The following PDE8B variants were observed in gnomAD, a reference collection of about 807,000 sequenced individuals.
PDE8B encodes the protein high affinity cAMP-specific and IBMX-insensitive 3',5'-cyclic phosphodiesterase 8B.
A neutral mutation model predicts 101.3 loss-of-function variants in PDE8B; 26 were observed. That is an observed-to-expected ratio of 0.26 (90% CI 0.19 to 0.36). PDE8B has a LOEUF of 0.36. Among genes scored for constraint, PDE8B ranks in the 10% least tolerant of loss-of-function variants. PDE8B has a pLI of 1.00. For missense variants in PDE8B, 810 were observed against 1,163.1 expected (o/e 0.70, Z 4.42); for synonymous variants, 424 against 429.3 (o/e 0.99, Z 0.15).
chr5:77,320,474 C>G (rs936158583), intron 2 of PDE8B, among the ~76,000 whole-genome samples: 3 of 152,170 alleles, frequency 2.0e-5, no homozygotes, highest in Admixed American at 2.0e-4. Context: ...GACAAAACTA[C>G]TTCCTTCTGC....
In PDE8B at chr5:77,426,608, TAGC is replaced by T; in HGVS notation, c.*55_*57del. 1 of 921,174 alleles carries T rather than the reference TAGC, an allele frequency of 1.1e-6. No homozygotes were observed. Among genetic ancestry groups the T allele is most frequent in the Non-Finnish European group, 1.8e-6 (1 of 554,294 alleles). 57.1% of individuals were successfully genotyped at this position (921,174 alleles called of 1,614,324 possible). The stretch of plus-strand genomic sequence containing the variant: ...CGACAAAGGACACTGTGAATCACAG[TAGC>T]GTAAACGAGAGGCCTTCCTTTCTAA... On this transcript the variant is annotated 3_prime_UTR_variant, in exon 22 of 22. Coordinates refer to ENST00000264917, the MANE Select transcript of PDE8B (RefSeq NM_003719.5).
chr5:77,392,653 A>G (rs1335651073), intron 10 of PDE8B, among the ~76,000 whole-genome samples: 1 of 152,180 alleles, frequency 6.6e-6, no homozygotes, highest in Non-Finnish European at 1.5e-5. Context: ...TCCAAGATGG[A>G]GTTGCTTTGG....
chr5:77,343,339 A>G (rs58594618), intron 6 of PDE8B, among the ~76,000 whole-genome samples: 19,346 of 152,238 alleles, frequency 0.13, 1,409 homozygotes, highest in East Asian at 0.3. Flanking sequence ...ACACAAGCCT[A>G]CGTGGTATAG....
the PDE8B span, among the ~76,000 whole-genome samples, chr5:77,170,309 G>A: frequency 8.5e-4 from 130 of 152,114 alleles, 1 homozygote; most frequent in Non-Finnish European, 1.0e-4. Context: ...TTAAGTCTGG[G>A]AAGACAAAAG....
At chr5:77,272,150 C>T (rs192270846) in intron 1 of PDE8B, among the ~76,000 whole-genome samples, 191 of 152,122 alleles carry the variant, frequency 1.3e-3, no homozygotes, top group African/African-American at 4.2e-3. Flanking sequence ...TGGAGCATGC[C>T]GAGGGCAGAG....
intron 6 of PDE8B, among the ~76,000 whole-genome samples, chr5:77,341,269 G>C (rs1779169074): frequency 1.3e-5 from 2 of 152,276 alleles, no homozygotes; most frequent in East Asian, 3.9e-4. Context: ...GTGGGGGGCA[G>C]GGGTGGGAAA....
chr5:77,402,735 A>G (rs1057047833), intron 11 of PDE8B, among the ~76,000 whole-genome samples: 1 of 152,236 alleles, frequency 6.6e-6, no homozygotes, highest in Non-Finnish European at 1.5e-5. Flanking sequence ...CAGCCTATAA[A>G]TGAGATGCTA....
chr5:77,418,104 C>A, intron 17 of PDE8B, 125 bp from the exon 18 acceptor site: 1 of 722,036 alleles, frequency 1.4e-6, no homozygotes, highest in Admixed American at 2.0e-5. Context: ...GGTCAGAAGG[C>A]TCAGCTGGCT....
At chr5:77,120,575 G>A in the PDE8B span, among the ~76,000 whole-genome samples, 236 of 152,278 alleles carry the variant, frequency 1.5e-3, no homozygotes, top group Middle Eastern at 0.02. Flanking sequence ...ATGGATATAC[G>A]TATGATAAAA....
the PDE8B span, among the ~76,000 whole-genome samples, chr5:77,177,259 C>A: frequency 1.3e-5 from 2 of 152,102 alleles, no homozygotes; most frequent in Admixed American, 1.3e-4. Context: ...AATACAGTAT[C>A]CCCCCCTTAT....
At chr5:77,138,888 C>G in the PDE8B span, among the ~76,000 whole-genome samples, 1 of 152,178 alleles carries the variant, frequency 6.6e-6, no homozygotes. Flanking sequence ...AATTTTAACC[C>G]TGACCAAAGC....
chr5:77,395,825 T>G (rs931564325), intron 10 of PDE8B, among the ~76,000 whole-genome samples: 2 of 147,272 alleles, frequency 1.4e-5, no homozygotes, highest in African/African-American at 4.9e-5. Flanking sequence ...ATCCCTGTCA[T>G]AAAGCCAGTT....
At chr5:77,378,537 G>A (rs969386193) in intron 10 of PDE8B, among the ~76,000 whole-genome samples, 3 of 149,882 alleles carry the variant, frequency 2.0e-5, no homozygotes, top group Admixed American at 2.0e-4. Context: ...CACTTTATTG[G>A]TGTTTCTCAA....
At chr5:77,199,986 CAT>C in the PDE8B span, among the ~76,000 whole-genome samples, 1 of 150,812 alleles carries the variant, frequency 6.6e-6, no homozygotes, top group East Asian at 1.9e-4. Context: ...GTTCTTAAAA[CAT>C]AATGGGACTT....
chr5:77,313,008 GTTTGTACCCT>G (rs1408202055), intron 2 of PDE8B, among the ~76,000 whole-genome samples: 3 of 152,214 alleles, frequency 2.0e-5, no homozygotes, highest in Non-Finnish European at 2.9e-5. Context: ...TGAAGAGGGA[GTTTGTACCCT>G]TTTAAATAAT....
intron 1 of PDE8B, among the ~76,000 whole-genome samples, chr5:77,306,836 G>A (rs1023248648): frequency 6.6e-6 from 1 of 152,144 alleles, no homozygotes; most frequent in African/African-American, 2.4e-5. Context: ...TTGTATCGTG[G>A]AGTTCCCTTT....
chr5:77,384,567 G>A (rs1049131317), intron 10 of PDE8B, among the ~76,000 whole-genome samples: 1 of 152,180 alleles, frequency 6.6e-6, no homozygotes, highest in Non-Finnish European at 1.5e-5. Flanking sequence ...CAAAGGGAAT[G>A]CTTTCAGTTT....
chr5:77,418,873 C>T (rs1000877897), intron 18 of PDE8B, among the ~76,000 whole-genome samples: 1 of 152,128 alleles, frequency 6.6e-6, no homozygotes, highest in Admixed American at 6.5e-5. Context: ...GTTACCCCAG[C>T]CCCGCATTCT....
intron 10 of PDE8B, among the ~76,000 whole-genome samples, chr5:77,369,401 G>A (rs1370893613): frequency 1.3e-5 from 2 of 152,032 alleles, no homozygotes; most frequent in Admixed American, 6.5e-5. Context: ...CTGAGCGAAG[G>A]TTTCTGCTGG....
Sources: gnomAD v4.1 joint callset for allele counts (sites outside exome capture counted in the v4.1 genomes callset) on GRCh38, gnomAD v4.1.1 for gene constraint, MANE v1.5 for transcripts, NCBI Gene and HGNC (gene_info 2026-07-23, HGNC 2026-07-21) for gene names.